The following CDH13 variants were observed in gnomAD, a reference collection of about 807,000 sequenced individuals.
CDH13 encodes cadherin 13, also known as cadherin-13.
In CDH13, 24 loss-of-function variants were observed where a neutral mutation model predicts 63.8. The ratio of observed to expected loss-of-function variants is 0.38; its 90% CI spans 0.27 to 0.53. The LOEUF is 0.53. Ranked by LOEUF, CDH13 falls within the 20% of genes least tolerant of loss-of-function variation. CDH13 has a pLI of 0.85. For synonymous variants in CDH13, 503 were observed against 355.3 expected (o/e 1.42, Z -4.67); for missense variants, 1,049 against 903.1 (o/e 1.16, Z -2.07).
intron 8 of CDH13, among the ~76,000 whole-genome samples, chr16:83,625,019 T>A (rs1370093362): frequency 1.3e-5 from 2 of 152,166 alleles, no homozygotes; most frequent in Non-Finnish European, 2.9e-5. Flanking sequence ...AGCTTGAAAT[T>A]GGCCATGGGG....
At chr16:83,334,309 C>A (rs927519906) in intron 5 of CDH13, among the ~76,000 whole-genome samples, 1 of 149,816 alleles carries the variant, frequency 6.7e-6, no homozygotes. Context: ...CTCTCTCCCC[C>A]CTCTCTCCCT....
At chr16:82,790,463 T>C (rs143807301) in intron 1 of CDH13, among the ~76,000 whole-genome samples, 1 of 152,072 alleles carries the variant, frequency 6.6e-6, no homozygotes, top group Admixed American at 6.5e-5. Context: ...AATTGCTAAT[T>C]ATGCTGATTA....
intron 7 of CDH13, among the ~76,000 whole-genome samples, chr16:83,575,656 A>G (rs1411649781): frequency 1.3e-5 from 2 of 151,440 alleles, no homozygotes; most frequent in African/African-American, 2.4e-5. Context: ...TTACCTCTTA[A>G]CCTCCCGTCA....
chr16:82,693,976 G>C (rs951341942), intron 1 of CDH13, among the ~76,000 whole-genome samples: 1 of 152,180 alleles, frequency 6.6e-6, no homozygotes, highest in Non-Finnish European at 1.5e-5. Context: ...TTTATTTGCT[G>C]CGTACATGGT....
intron 2 of CDH13, among the ~76,000 whole-genome samples, chr16:82,886,388 G>T (rs564694619): frequency 2.0e-5 from 3 of 152,290 alleles, no homozygotes; most frequent in Admixed American, 2.0e-4. Flanking sequence ...ACTATTGCCA[G>T]TGTATGTGTT....
intron 1 of CDH13, among the ~76,000 whole-genome samples, chr16:82,853,921 T>C (rs2039589893): frequency 6.6e-6 from 1 of 152,206 alleles, no homozygotes. Context: ...GCATGTGACA[T>C]CTCATAATAT....
At chr16:82,856,544 A>T (rs2039702838) in intron 1 of CDH13, among the ~76,000 whole-genome samples, 1 of 151,414 alleles carries the variant, frequency 6.6e-6, no homozygotes, top group Non-Finnish European at 1.5e-5. Flanking sequence ...AGTACAAAAA[A>T]TAGAAAAATT....
intron 7 of CDH13, among the ~76,000 whole-genome samples, chr16:83,519,368 G>T (rs2074775903): frequency 6.6e-6 from 1 of 152,168 alleles, no homozygotes. Flanking sequence ...GTCCCCAGAA[G>T]ACAGCTGATT....
At chr16:83,502,850 C>T (rs1168974839) in intron 7 of CDH13, among the ~76,000 whole-genome samples, 1 of 152,186 alleles carries the variant, frequency 6.6e-6, no homozygotes, top group Non-Finnish European at 1.5e-5. Flanking sequence ...GTCCACTTGA[C>T]CAGATCTTTC....
At chr16:83,720,319 GC>G (rs1909522666) in intron 10 of CDH13, among the ~76,000 whole-genome samples, 1 of 140,414 alleles carries the variant, frequency 7.1e-6, no homozygotes, top group Non-Finnish European at 1.6e-5. Flanking sequence ...GCACACACAT[GC>G]ACACACATTC....
intron 2 of CDH13, among the ~76,000 whole-genome samples, chr16:82,934,249 C>G (rs1295502110): frequency 3.3e-5 from 5 of 152,220 alleles, no homozygotes; most frequent in African/African-American, 1.2e-4. Context: ...TTCTGTGCAT[C>G]TGCAGGCTCA....
At chr16:83,279,325 C>T (rs899616487) in intron 5 of CDH13, among the ~76,000 whole-genome samples, 26 of 152,074 alleles carry the variant, frequency 1.7e-4, no homozygotes, top group African/African-American at 6.3e-4. Context: ...ATTTACATGC[C>T]TCCATTCCAC....
intron 1 of CDH13, among the ~76,000 whole-genome samples, chr16:82,721,904 A>T (rs4627339): frequency 6.6e-6 from 1 of 152,040 alleles, no homozygotes; most frequent in Non-Finnish European, 1.5e-5. Flanking sequence ...ATGCTGTGGC[A>T]GTGGGAATGG....
At chr16:83,724,069 A>C (rs1465992601) in intron 10 of CDH13, among the ~76,000 whole-genome samples, 1 of 151,712 alleles carries the variant, frequency 6.6e-6, no homozygotes, top group South Asian at 2.1e-4. Context: ...TGAGTGATGA[A>C]TGCATGGGTG....
intron 10 of CDH13, among the ~76,000 whole-genome samples, chr16:83,720,633 A>G (rs1325306346): frequency 6.6e-6 from 1 of 152,158 alleles, no homozygotes; most frequent in Non-Finnish European, 1.5e-5. Flanking sequence ...CCAATGTATC[A>G]TTTCAGGCAG....
chr16:83,443,961 C>T (rs1016525442), intron 6 of CDH13, among the ~76,000 whole-genome samples: 1 of 149,600 alleles, frequency 6.7e-6, no homozygotes, highest in Non-Finnish European at 1.5e-5. Flanking sequence ...ATGGTACCTC[C>T]TATAGAGTCA....
chr16:82,712,994 C>T (rs759090564), intron 1 of CDH13, among the ~76,000 whole-genome samples: 1 of 152,048 alleles, frequency 6.6e-6, no homozygotes, highest in Admixed American at 6.6e-5. Flanking sequence ...GCACAATGTC[C>T]TACTCCCTGG....
chr16:82,650,912 A>C (rs1910648178), intron 1 of CDH13, among the ~76,000 whole-genome samples: 1 of 152,240 alleles, frequency 6.6e-6, no homozygotes, highest in Non-Finnish European at 1.5e-5. Context: ...AACAATAAAC[A>C]GGAGAGACAG....
chr16:83,584,238 A>G (rs1412358644), intron 7 of CDH13, among the ~76,000 whole-genome samples: 5 of 152,144 alleles, frequency 3.3e-5, no homozygotes, highest in Admixed American at 1.3e-4. Context: ...CTGAGGCAGG[A>G]GAATGGCGTG....
Sources: allele counts gnomAD v4.1 joint callset (sites outside exome capture counted in the v4.1 genomes callset), GRCh38; gene constraint gnomAD v4.1.1; transcripts MANE v1.5; gene names NCBI Gene and HGNC (gene_info 2026-07-23, HGNC 2026-07-21).